The following NTN1 variants were observed in gnomAD, a reference collection of about 807,000 sequenced individuals.
The protein encoded by NTN1 is netrin 1.
NTN1 carries 11 observed loss-of-function variants against 54.2 expected under a neutral mutation model. The observed-to-expected ratio is 0.20, with a 90% CI of 0.13 to 0.34. The LOEUF (loss-of-function observed/expected upper bound fraction) is 0.34. NTN1 is among the 10% of genes least tolerant of loss of function. The pLI, the probability that NTN1 is intolerant of heterozygous loss-of-function variation, is 1.00. For synonymous variants in NTN1, 371 were observed against 382.0 expected, an observed-to-expected ratio of 0.97 and a Z score of 0.33; for missense variants, 740 against 893.1, an observed-to-expected ratio of 0.83 and a Z score of 2.18.
chr17:9,232,985 C>T (rs575852533), intron 6 of NTN1, among the ~76,000 whole-genome samples: 16 of 152,088 alleles, frequency 1.1e-4, no homozygotes, highest in Non-Finnish European at 1.9e-4. Context: ...TATTCTCCCC[C>T]TCATTTGTCC....
chr17:9,127,934 T>C (rs1282550768), intron 2 of NTN1, among the ~76,000 whole-genome samples: 1 of 151,586 alleles, frequency 6.6e-6, no homozygotes, highest in African/African-American at 2.4e-5. Context: ...CTGGCCAACA[T>C]GGTGAAACCC....
intron 2 of NTN1, among the ~76,000 whole-genome samples, chr17:9,129,397 C>T (rs909722240): frequency 3.2e-4 from 48 of 152,112 alleles, no homozygotes; most frequent in African/African-American, 1.1e-3. Context: ...TGTGAGTCTT[C>T]GTCTGGCTTC....
intron 2 of NTN1, among the ~76,000 whole-genome samples, chr17:9,060,801 C>A (rs751003472): frequency 6.6e-6 from 1 of 151,936 alleles, no homozygotes; most frequent in African/African-American, 2.4e-5. Flanking sequence ...CATGGTGAAA[C>A]GCCATCTCTA....
chr17:9,060,925 G>A (rs556345259), intron 2 of NTN1, among the ~76,000 whole-genome samples: 1 of 131,030 alleles, frequency 7.6e-6, no homozygotes, highest in South Asian at 2.4e-4. Context: ...GCAGTGAGCC[G>A]AGATTGTACC....
intron 2 of NTN1, among the ~76,000 whole-genome samples, chr17:9,032,881 G>T (rs1226292017): frequency 6.6e-6 from 1 of 151,962 alleles, no homozygotes; most frequent in South Asian, 2.1e-4. Flanking sequence ...GAGAATTCAC[G>T]GTGAGAAAGT....
intron 6 of NTN1, among the ~76,000 whole-genome samples, chr17:9,225,376 G>A (rs923982318): frequency 3.3e-5 from 5 of 152,210 alleles, no homozygotes; most frequent in African/African-American, 9.6e-5. Context: ...TCTGCGGAGG[G>A]CTCAGAGGAG....
rs144950762 is a variant in NTN1 at position 9,162,904 on chromosome 17, C to T, written c.1110C>T (p.Asn370=). Residue 370 remains asparagine, a synonymous_variant, in exon 3 of 7, where the codon AAC becomes AAT. Coordinates refer to ENST00000173229, the MANE Select transcript of NTN1 (RefSeq NM_004822.3). ...SGRKSGGVCL[N]CRHNTAGRHC... is the part of the protein sequence containing the mutation. ...GCAAGAGCGGAGGTGTCTGCCTCAA[C>T]TGTCGCCACAACACCGCCGGCCGCC... 29 of 1,613,702 alleles carry T rather than the reference C, an allele frequency of 1.8e-5. No individual in the cohort carries two copies. In the African/African-American group the frequency reaches 3.2e-4, roughly 18 times the overall value.
At chr17:9,183,379 G>C (rs1454373042) in intron 5 of NTN1, 3 of 483,784 alleles carry the variant, frequency 6.2e-6, no homozygotes, top group African/African-American at 5.9e-5. Context: ...AGAATGCAGG[G>C]GGCCCAGGAG....
At chr17:9,194,899 C>T (rs1904582277) in intron 5 of NTN1, among the ~76,000 whole-genome samples, 1 of 152,096 alleles carries the variant, frequency 6.6e-6, no homozygotes, top group South Asian at 2.1e-4. Flanking sequence ...CATTTCAGAC[C>T]CACAAAAATG....
rs111789273 is a variant in NTN1 at position 9,068,119 on chromosome 17, C to G, written c.1018+44728C>G. 5.3e-3 allele frequency among the ~76,000 whole-genome samples: 803 copies of G among 152,284 alleles called. 5 individuals carry two copies. The highest frequency in any genetic ancestry group is 8.3e-3 in the Non-Finnish European group (567 of 68,018). ...AATGTTCATTGGATGAATGAATAAA[C>G]TACCAGGCTAGAAGGGATTGATGAG... is the stretch of plus-strand genomic sequence containing the variant. On this transcript the variant is annotated intron_variant, in intron 2 of 6. Coordinates refer to ENST00000173229, the MANE Select transcript of NTN1 (RefSeq NM_004822.3).
At chr17:9,157,437 A>G (rs1473162581) in intron 2 of NTN1, among the ~76,000 whole-genome samples, 3 of 152,226 alleles carry the variant, frequency 2.0e-5, no homozygotes, top group African/African-American at 7.2e-5. Flanking sequence ...GCAGAAAGGC[A>G]GGAATGTTGA....
the NTN1 span, among the ~76,000 whole-genome samples, chr17:9,014,164 T>G: frequency 1.3e-5 from 2 of 152,192 alleles, no homozygotes; most frequent in Non-Finnish European, 2.9e-5. Context: ...TAGATTGGCC[T>G]GCTCCCCATG....
At chr17:9,016,637 G>A (rs1460723289), upstream of NTN1, among the ~76,000 whole-genome samples, 1 of 152,076 alleles carries the variant, frequency 6.6e-6, no homozygotes, top group African/African-American at 2.4e-5. Context: ...CTACCATATT[G>A]AACAGCACAG....
chr17:9,084,807 A>G (rs2092085110), intron 2 of NTN1, among the ~76,000 whole-genome samples: 1 of 151,802 alleles, frequency 6.6e-6, no homozygotes, highest in African/African-American at 2.4e-5. Flanking sequence ...ACCCGCCACC[A>G]TGCCTGGCTA....
intron 3 of NTN1, among the ~76,000 whole-genome samples, chr17:9,178,239 A>C (rs991746876): frequency 9.2e-5 from 14 of 152,320 alleles, no homozygotes; most frequent in South Asian, 6.2e-4. Context: ...TATCTATAAG[A>C]AGCAGCAGCA....
chr17:9,061,858 C>A (rs991309789), intron 2 of NTN1, among the ~76,000 whole-genome samples: 20 of 152,126 alleles, frequency 1.3e-4, no homozygotes, highest in African/African-American at 4.8e-4. Flanking sequence ...TGCCTGCCAC[C>A]ACGCTGAGCT....
intron 2 of NTN1, among the ~76,000 whole-genome samples, chr17:9,103,588 A>T (rs1325721713): frequency 6.6e-6 from 1 of 152,104 alleles, no homozygotes; most frequent in Non-Finnish European, 1.5e-5. Context: ...CTCGCCAGCC[A>T]TGGTGAACTG....
intron 2 of NTN1, among the ~76,000 whole-genome samples, chr17:9,109,154 C>T (rs1020289422): frequency 3.3e-5 from 5 of 152,198 alleles, no homozygotes; most frequent in African/African-American, 9.6e-5. Flanking sequence ...GGATTACAGG[C>T]GTGAGGCACA....
upstream of NTN1, among the ~76,000 whole-genome samples, chr17:9,018,394 G>A (rs528398272): frequency 6.6e-6 from 1 of 152,218 alleles, no homozygotes; most frequent in African/African-American, 2.4e-5. Flanking sequence ...CACTTTGGGA[G>A]GCCGAGGCGG....
Sources: gnomAD v4.1 joint callset for allele counts (sites outside exome capture counted in the v4.1 genomes callset) on GRCh38, gnomAD v4.1.1 for gene constraint, MANE v1.5 for transcripts, NCBI Gene and HGNC (gene_info 2026-07-23, HGNC 2026-07-21) for gene names.